The following LRRC71 variants were observed in gnomAD, a reference collection of about 807,000 sequenced individuals.
The protein encoded by LRRC71 is leucine rich repeat containing 71.
In LRRC71, 54 loss-of-function variants were observed where a neutral mutation model predicts 66.6. The observed-to-expected ratio is 0.81, with a 90% CI of 0.65 to 1.02. LRRC71 has a LOEUF of 1.02. Among genes scored for constraint, LRRC71 ranks in the 50% least tolerant of loss-of-function variants. The probability of loss-of-function intolerance (pLI) is 0.00; values close to 1 mark genes in which losing one functional copy is unlikely to be tolerated. For synonymous variants in LRRC71, 323 were observed against 303.9 expected (o/e 1.06, Z -0.65); for missense variants, 724 against 718.0 (o/e 1.01, Z -0.10).
chr1:156,934,696 A>T (rs988898887), downstream of LRRC71: 1 of 151,876 alleles, frequency 6.6e-6, no homozygotes, highest in African/African-American at 2.4e-5. Context: ...GCACAGCTGA[A>T]GCTCTGGGAG....
chr1:156,924,260 C>G (rs1414122229), intron 2 of LRRC71, among the ~76,000 whole-genome samples, 162 bp downstream of exon 2: 5 of 152,130 alleles, frequency 3.3e-5, no homozygotes, highest in Non-Finnish European at 7.4e-5. Flanking sequence ...CTCCCGTCTT[C>G]CTTTCCAACC....
chr1:156,939,871 G>T, the LRRC71 span: 1 of 1,609,816 alleles, frequency 6.2e-7, no homozygotes, highest in African/African-American at 1.3e-5. Flanking sequence ...GGTGTGACCT[G>T]GCAGCAGGCT....
At chr1:156,940,921 C>T in the LRRC71 span, among the ~76,000 whole-genome samples, 1,647 of 152,296 alleles carry the variant, frequency 0.011, 21 homozygotes, top group Admixed American at 0.03. Context: ...TTATTTCTCA[C>T]GCAAGCTCTC....
chr1:156,932,282 G>C (rs1654493349), intron 13 of LRRC71, 142 bp from the exon 14 acceptor site: 1 of 709,042 alleles, frequency 1.4e-6, no homozygotes. Flanking sequence ...CTGAGTGAAG[G>C]GCTAGGTCAG....
rs1299428320 is a variant in LRRC71, at chr1:156,929,386, T to G, written c.1103T>G (p.Met368Arg). The G allele has an allele frequency of 6.2e-7, 1 of 1,613,486 alleles. No homozygotes were observed. Among genetic ancestry groups the G allele is most frequent in the Non-Finnish European group, 8.5e-7 (1 of 1,179,806 alleles). ...LVDKTDKTQT[M>R]KTPKGLGKKK... Reference sequence around the variant, plus strand: ...GACAAGACAGACAAGACGCAGACAATGAAAACCCCTAAGGGCCTGGGCAAG... The same window carrying G: ...GACAAGACAGACAAGACGCAGACAAGGAAAACCCCTAAGGGCCTGGGCAAG... Residue 368 changes from methionine (M) to arginine (R), a missense_variant, in exon 10 of 15, where the codon ATG (methionine) becomes AGG (arginine). Coordinates refer to ENST00000337428, the MANE Select transcript of LRRC71 (RefSeq NM_144702.3).
At position 156,923,939 on chromosome 1, in the gene LRRC71, G is replaced by T. The variant is rs1167003244; in HGVS notation, c.161-10G>T. The T allele has an allele frequency of 2.7e-6, 4 of 1,470,136 alleles. No individual in the cohort carries two copies. Among genetic ancestry groups the T allele is most frequent in the Non-Finnish European group, 3.6e-6 (4 of 1,105,886 alleles). The allele number at this position is 1,470,136 out of a possible 1,614,324, so 91.1% of individuals were successfully genotyped here. A position where few individuals can be genotyped will look rare whatever the true frequency, so the allele number is the denominator to read the frequency against. The stretch of plus-strand genomic sequence containing the variant: ...GGCCCCTTCTCTCACGCCCCTGCCT[G>T]CCCCCGCAGAGGAGTACCAGTGCTC... On this transcript the variant is annotated splice_polypyrimidine_tract_variant and intron_variant, in intron 1 of 14. Coordinates refer to ENST00000337428, the MANE Select transcript of LRRC71 (RefSeq NM_144702.3).
chr1:156,938,754 C>T, the LRRC71 span: 4 of 482,500 alleles, frequency 8.3e-6, no homozygotes, highest in East Asian at 1.4e-4. Context: ...ACAGGTGGCC[C>T]TTGGGCAGAT....
intron 8 of LRRC71, 49 bp downstream of exon 8, chr1:156,927,865 C>A (rs1256793481): frequency 1.9e-6 from 3 of 1,610,546 alleles, no homozygotes; most frequent in Non-Finnish European, 2.5e-6. Flanking sequence ...GCCGAGGGAG[C>A]CGACCCTGAC....
intron 9 of LRRC71, among the ~76,000 whole-genome samples, chr1:156,928,209 A>G (rs1653538118): frequency 6.6e-6 from 1 of 152,228 alleles, no homozygotes; most frequent in African/African-American, 2.4e-5. Context: ...TATGGGCAGT[A>G]GAGTGTACTG....
At chr1:156,932,152 C>A in intron 13 of LRRC71, 125 bp downstream of exon 13, 1 of 816,598 alleles carries the variant, frequency 1.2e-6, no homozygotes, top group Non-Finnish European at 2.0e-6. Context: ...ACATGTCCCC[C>A]AAGGCTCTCT....
At chr1:156,934,967 T>TA (rs1557801598), downstream of LRRC71, 2 of 147,132 alleles carry the variant, frequency 1.4e-5, no homozygotes, top group African/African-American at 5.0e-5. Context: ...ATATATATAT[T>TA]TATATATATA....
In LRRC71 at chr1:156,929,748, G is replaced by A. The variant is rs1258197397; in HGVS notation, c.1240+19G>A. ...AAGGGGAGTAAGTGCGGGTGCCCCTGGGTGGCATCTTCCTGTGTGGAGGAG... is the reference window on the plus strand; with the variant it reads ...AAGGGGAGTAAGTGCGGGTGCCCCTAGGTGGCATCTTCCTGTGTGGAGGAG... On this transcript the variant is annotated intron_variant, in intron 11 of 14. Coordinates refer to ENST00000337428, the MANE Select transcript of LRRC71 (RefSeq NM_144702.3). 4 of 1,548,298 alleles carry A rather than the reference G, an allele frequency of 2.6e-6. No homozygotes were observed. Among genetic ancestry groups the A allele is most frequent in the Middle Eastern group, 1.8e-4 (1 of 5,636 alleles).
downstream of LRRC71, among the ~76,000 whole-genome samples, chr1:156,933,283 C>A (rs1297565028): frequency 3.9e-5 from 6 of 152,222 alleles, no homozygotes; most frequent in African/African-American, 1.4e-4. Context: ...CTTCCTTGCT[C>A]AGGCAATAGC....
chr1:156,934,265 G>A (rs1424151349), downstream of LRRC71, among the ~76,000 whole-genome samples: 1 of 152,172 alleles, frequency 6.6e-6, no homozygotes, highest in Admixed American at 6.5e-5. Flanking sequence ...GAGAGGTAGA[G>A]GAGTCAGGGT....
the LRRC71 span, chr1:156,940,474 G>T: frequency 3.3e-6 from 5 of 1,529,728 alleles, no homozygotes; most frequent in African/African-American, 1.4e-5. Flanking sequence ...GAGAGGGCAC[G>T]TATGGGAGAG....
At chr1:156,930,097 C>CTTT in intron 11 of LRRC71, among the ~76,000 whole-genome samples, 1 of 30,726 alleles carries the variant, frequency 3.3e-5, no homozygotes. Context: ...TTCTTTCTCT[C>CTTT]TCTTTTTTTT....
chr1:156,924,411 C>T lies in LRRC71; in HGVS notation c.311-13C>T, dbSNP rs1413013932. The T allele has an allele frequency of 6.5e-7, 1 of 1,548,892 alleles. No homozygotes were observed. The highest frequency in any genetic ancestry group is 8.7e-7 in the Non-Finnish European group (1 of 1,146,648). ...GGTGGCTGTTCCCCTCCCTCCTCAC[C>T]TCTGCCTTCCAGACGATCCGCGGCT... On this transcript the variant is annotated splice_polypyrimidine_tract_variant and intron_variant, in intron 2 of 14. Transcript: ENST00000337428.
At chr1:156,928,503 C>T (rs200576391) in intron 9 of LRRC71, among the ~76,000 whole-genome samples, 3 of 140,536 alleles carry the variant, frequency 2.1e-5, no homozygotes, top group Non-Finnish European at 3.0e-5. Context: ...CTTCTTCCTC[C>T]TCCTCCTCCT....
chr1:156,938,328 G>A, the LRRC71 span: 3 of 1,235,320 alleles, frequency 2.4e-6, no homozygotes, highest in South Asian at 1.4e-5. Context: ...GTGGGTGTGT[G>A]TGTGACCATG....
Sources: gnomAD v4.1 joint callset for allele counts (sites outside exome capture counted in the v4.1 genomes callset) on GRCh38, gnomAD v4.1.1 for gene constraint, MANE v1.5 for transcripts, NCBI Gene and HGNC (gene_info 2026-07-23, HGNC 2026-07-21) for gene names.